ABTB3: variants seen among roughly 807,000 people sequenced by gnomAD.
ABTB3 encodes the protein ankyrin repeat and BTB domain containing 3.
chr12:107,619,889 C>G, the ABTB3 span: 1 of 1,190,256 alleles, frequency 8.4e-7, no homozygotes, highest in Non-Finnish European at 1.1e-6. Context: ...AAGCCAACTT[C>G]CAGATAAAAA....
the ABTB3 span, among the ~76,000 whole-genome samples, chr12:107,371,193 T>A: frequency 6.6e-6 from 1 of 152,298 alleles, no homozygotes; most frequent in South Asian, 2.1e-4. Flanking sequence ...AGGGAGATCA[T>A]TCTGGAACTG....
chr12:107,414,381 G>A, the ABTB3 span, among the ~76,000 whole-genome samples: 1 of 152,076 alleles, frequency 6.6e-6, no homozygotes, highest in Admixed American at 6.6e-5. Context: ...CTGTCTGAAG[G>A]ATTCCCCTCC....
At chr12:107,319,780 G>C in the ABTB3 span, 36 of 1,457,960 alleles carry the variant, frequency 2.5e-5, 1 homozygote, top group South Asian at 4.4e-4. Flanking sequence ...GCCCTGGTGC[G>C]GCCCCCGCGG....
the ABTB3 span, among the ~76,000 whole-genome samples, chr12:107,609,006 AAAAT>A: frequency 1.4e-5 from 2 of 141,214 alleles, no homozygotes; most frequent in Non-Finnish European, 3.0e-5. Context: ...AAAATAAAAT[AAAAT>A]AAAGACACAG....
the ABTB3 span, among the ~76,000 whole-genome samples, chr12:107,520,901 T>C: frequency 2.0e-4 from 30 of 152,290 alleles, no homozygotes; most frequent in East Asian, 5.8e-3. Context: ...TCCTTTTCTA[T>C]AAACTAGAGA....
chr12:107,487,952 C>A, the ABTB3 span, among the ~76,000 whole-genome samples: 2 of 144,820 alleles, frequency 1.4e-5, no homozygotes, highest in African/African-American at 5.2e-5. Context: ...TGGGTCAGGG[C>A]AGAAAGACTT....
chr12:107,502,391 T>G, the ABTB3 span, among the ~76,000 whole-genome samples: 2 of 151,892 alleles, frequency 1.3e-5, no homozygotes, highest in African/African-American at 4.8e-5. Context: ...TTTTTAAAAC[T>G]CCCCACGTTA....
chr12:107,630,957 T>C, the ABTB3 span, among the ~76,000 whole-genome samples: 28 of 152,228 alleles, frequency 1.8e-4, no homozygotes, highest in African/African-American at 6.8e-4. Flanking sequence ...TTTTTGTTTT[T>C]GTTTTAGATT....
chr12:107,599,831 A>G, the ABTB3 span, among the ~76,000 whole-genome samples: 4 of 152,176 alleles, frequency 2.6e-5, no homozygotes, highest in African/African-American at 9.7e-5. Context: ...AAAAGTCTGT[A>G]TGAATGAATG....
the ABTB3 span, among the ~76,000 whole-genome samples, chr12:107,442,111 T>C: frequency 1.3e-5 from 2 of 152,186 alleles, no homozygotes; most frequent in South Asian, 4.1e-4. Flanking sequence ...TGAGAAACAC[T>C]TTCATTTTCT....
the ABTB3 span, among the ~76,000 whole-genome samples, chr12:107,644,948 A>C: frequency 6.7e-6 from 1 of 149,430 alleles, no homozygotes; most frequent in African/African-American, 2.5e-5. Flanking sequence ...ATTCCATGGC[A>C]CATATGCACC....
the ABTB3 span, among the ~76,000 whole-genome samples, chr12:107,568,346 G>A: frequency 5.3e-5 from 8 of 152,284 alleles, no homozygotes; most frequent in South Asian, 2.1e-4. Flanking sequence ...AGGTGATGAC[G>A]ATGTGTGTAG....
At chr12:107,416,685 G>T in the ABTB3 span, among the ~76,000 whole-genome samples, 1 of 152,130 alleles carries the variant, frequency 6.6e-6, no homozygotes, top group Non-Finnish European at 1.5e-5. Context: ...TTAAGAGACA[G>T]GTTCTCACTC....
the ABTB3 span, among the ~76,000 whole-genome samples, chr12:107,348,240 A>AAT: frequency 7.9e-5 from 12 of 151,948 alleles, no homozygotes; most frequent in Non-Finnish European, 1.6e-4. Context: ...TGTATATAGA[A>AAT]ATATATATAT....
the ABTB3 span, among the ~76,000 whole-genome samples, chr12:107,408,921 C>T: frequency 6.6e-6 from 1 of 152,350 alleles, no homozygotes; most frequent in African/African-American, 2.4e-5. Flanking sequence ...TTCTCATGGG[C>T]TTTTAGCCCA....
the ABTB3 span, among the ~76,000 whole-genome samples, chr12:107,592,231 T>C: frequency 2.6e-5 from 4 of 152,180 alleles, no homozygotes; most frequent in African/African-American, 9.7e-5. Flanking sequence ...TTCAATTTTA[T>C]ACCAGTCAGA....
chr12:107,596,391 T>G, the ABTB3 span, among the ~76,000 whole-genome samples: 6 of 152,172 alleles, frequency 3.9e-5, no homozygotes, highest in Non-Finnish European at 8.8e-5. Context: ...GGTGGGTGGA[T>G]CACTTGAGGT....
At chr12:107,493,997 T>C in the ABTB3 span, among the ~76,000 whole-genome samples, 43,374 of 151,894 alleles carry the variant, frequency 0.29, 7,180 homozygotes, top group African/African-American at 0.46. Context: ...TAGAACTTTG[T>C]TATGACAGTG....
chr12:107,395,435 G>GC, the ABTB3 span, among the ~76,000 whole-genome samples: 5 of 152,102 alleles, frequency 3.3e-5, no homozygotes, highest in African/African-American at 1.2e-4. Context: ...ACAACTTACT[G>GC]CCCCCATGAG....
Sources: allele counts gnomAD v4.1 joint callset (sites outside exome capture counted in the v4.1 genomes callset), GRCh38; gene constraint gnomAD v4.1.1; transcripts MANE v1.5; gene names NCBI Gene and HGNC (gene_info 2026-07-23, HGNC 2026-07-21).